N4BP2L1: variants seen among roughly 807,000 people sequenced by gnomAD.
N4BP2L1 encodes NEDD4-binding protein 2-like 1.
Under a neutral mutation model 21.2 loss-of-function variants are expected in N4BP2L1, and 12 were observed. The observed-to-expected ratio is 0.57, with a 90% CI of 0.36 to 0.92. N4BP2L1 has a LOEUF of 0.92. N4BP2L1 is among the 40% of genes least tolerant of loss of function. The probability of loss-of-function intolerance (pLI) is 0.01; values close to 1 mark genes in which losing one functional copy is unlikely to be tolerated. For missense variants in N4BP2L1, 259 were observed against 310.6 expected (o/e 0.83, Z 1.25); for synonymous variants, 104 against 112.8 (o/e 0.92, Z 0.49).
chr13:32,427,421 GCGCGCCAGCGGGGCCCGGCGGTTTTCT>G (rs1397408197), intron 1 of N4BP2L1, among the ~76,000 whole-genome samples: 2 of 152,268 alleles, frequency 1.3e-5, no homozygotes, highest in Admixed American at 1.3e-4. Flanking sequence ...GCGGCCGCCT[GCGCGCCAGCGGGGCCCGGCGGTTTTCT>G]CTGCAGTCGC....
intron 3 of N4BP2L1, among the ~76,000 whole-genome samples, chr13:32,405,969 C>T (rs892677623): frequency 2.2e-5 from 3 of 135,500 alleles, no homozygotes; most frequent in African/African-American, 8.2e-5. Context: ...GTGGCACGAT[C>T]TCAGCTCACT....
intron 1 of N4BP2L1, among the ~76,000 whole-genome samples, chr13:32,420,196 G>C (rs2074395716): frequency 1.3e-5 from 2 of 152,234 alleles, no homozygotes; most frequent in African/African-American, 4.8e-5. Context: ...GGCTCCCAGA[G>C]AGCCCTCATT....
chr13:32,413,225 C>A (rs150798908), intron 1 of N4BP2L1, among the ~76,000 whole-genome samples: 1 of 152,284 alleles, frequency 6.6e-6, no homozygotes, highest in African/African-American at 2.4e-5. Context: ...CTCTCCTGGC[C>A]TAATGTTAGG....
Position 32,401,823 on chromosome 13 carries a change from G to T in N4BP2L1, c.*1119C>A. 1 of 558,876 alleles carries T rather than the reference G, an allele frequency of 1.8e-6. No individual in the cohort carries two copies. The highest frequency in any genetic ancestry group is 2.3e-6 in the Non-Finnish European group (1 of 439,888). 34.6% of individuals were successfully genotyped at this position (558,876 alleles called of 1,614,324 possible). On this transcript the variant is annotated 3_prime_UTR_variant, in exon 5 of 5. Transcript: ENST00000380130. Reference sequence around the variant, plus strand: ...ATTTTTCACAGAACATTAGAAAGAAGCTGTTGGCCAACAAGAAATAGAGCA... The same window carrying T: ...ATTTTTCACAGAACATTAGAAAGAATCTGTTGGCCAACAAGAAATAGAGCA...
intron 4 of N4BP2L1, 86 bp downstream of exon 4, chr13:32,404,235 C>T: frequency 6.3e-7 from 1 of 1,588,024 alleles, no homozygotes; most frequent in Non-Finnish European, 8.6e-7. Context: ...ATGTCCATTT[C>T]CAGCCTGAAA....
At chr13:32,427,393 G>A (rs2074839472) in intron 1 of N4BP2L1, among the ~76,000 whole-genome samples, 1 of 152,258 alleles carries the variant, frequency 6.6e-6, no homozygotes, top group Non-Finnish European at 1.5e-5. Context: ...GGATTACAGC[G>A]CCTGTTGACG....
At chr13:32,414,951 A>T (rs1566319381) in intron 1 of N4BP2L1, among the ~76,000 whole-genome samples, 1 of 152,206 alleles carries the variant, frequency 6.6e-6, no homozygotes, top group Non-Finnish European at 1.5e-5. Context: ...AGAATTACTG[A>T]ACTACAATCT....
intron 1 of N4BP2L1, chr13:32,420,367 C>T (rs2074403327): frequency 6.6e-6 from 1 of 152,266 alleles, no homozygotes; most frequent in African/African-American, 2.4e-5. Context: ...TCAGGCACAC[C>T]TACCTCAGTA....
chr13:32,408,911 C>T (rs2073686937), intron 1 of N4BP2L1, among the ~76,000 whole-genome samples: 1 of 152,156 alleles, frequency 6.6e-6, no homozygotes, highest in South Asian at 2.1e-4. Context: ...TTCAGGTGCC[C>T]CCACAGGCTT....
intron 1 of N4BP2L1, among the ~76,000 whole-genome samples, chr13:32,417,609 A>T (rs1050082230): frequency 6.6e-6 from 1 of 152,214 alleles, no homozygotes; most frequent in African/African-American, 2.4e-5. Flanking sequence ...ACTGCTGTAA[A>T]GATACCCAAA....
At position 32,428,041 on chromosome 13, in the gene N4BP2L1, G is replaced by C. The variant is rs1214300632; in HGVS notation, c.42C>G (p.Leu14=). Reference sequence around the variant, plus strand: ...GCCGCTGCTGCTGCTGCTGGGGCTGGAGGCTCAGCCTCCCAAAAGATTGAA... The same window carrying C: ...GCCGCTGCTGCTGCTGCTGGGGCTGCAGGCTCAGCCTCCCAAAAGATTGAA... The part of the protein sequence containing the change: ...SFLQSFGRLS[L]QPQQQQQRQR... Residue 14 remains leucine, a synonymous_variant, in exon 1 of 5, where the codon CTC becomes CTG. Coordinates refer to ENST00000380130, the MANE Select transcript of N4BP2L1 (RefSeq NM_052818.3). 1.3e-6 allele frequency: 2 copies of C among 1,539,954 alleles called. No homozygotes were observed. The highest frequency in any genetic ancestry group is 1.4e-5 in the African/African-American group (1 of 70,088).
At chr13:32,408,169 C>T (rs769048350) in intron 1 of N4BP2L1, among the ~76,000 whole-genome samples, 2 of 152,200 alleles carry the variant, frequency 1.3e-5, no homozygotes, top group Admixed American at 6.5e-5. Context: ...AAGACCTGCC[C>T]ATGGGTGCCA....
At chr13:32,407,417 T>G (rs1364930314) in intron 2 of N4BP2L1, 79 bp from the exon 3 acceptor site, 2 of 1,609,012 alleles carry the variant, frequency 1.2e-6, no homozygotes, top group East Asian at 2.2e-5. Flanking sequence ...TTCGTCATTT[T>G]TATTACAGGA....
chr13:32,404,279 T>C (rs1309790802), intron 4 of N4BP2L1, 42 bp downstream of exon 4: 2 of 1,588,684 alleles, frequency 1.3e-6, no homozygotes, highest in African/African-American at 2.7e-5. Flanking sequence ...TACCTGAAAA[T>C]AGCAGGATAC....
chr13:32,410,606 C>G (rs1440662967), intron 1 of N4BP2L1, among the ~76,000 whole-genome samples: 1 of 152,132 alleles, frequency 6.6e-6, no homozygotes, highest in Non-Finnish European at 1.5e-5. Context: ...AAAGTCCAAA[C>G]CTTAACCTCT....
At position 32,404,343 on chromosome 13, in the gene N4BP2L1, AT is replaced by A; in HGVS notation, c.450del (p.Lys150AsnfsTer7). Reference protein sequence around the residue: ...VIFREPDTRWKFNVQELARRN... With the variant: ...VIFREPDTRWXFNVQELARRN... ...TACCTTGCTAACTCTTGAACGTTGA[AT>A]TTCCAGCGAGTGTCAGGTTCTCGGA... On this transcript the variant is annotated frameshift_variant, in exon 4 of 5. Transcript: ENST00000380130. LOFTEE classifies it high-confidence loss of function. 6.2e-7 allele frequency: 1 copy of A among 1,613,864 alleles called. No individual in the cohort carries two copies. Among genetic ancestry groups the A allele is most frequent in the Non-Finnish European group, 8.5e-7 (1 of 1,179,902 alleles).
In N4BP2L1 at chr13:32,401,315, A is replaced by G. The variant is rs1371089848; in HGVS notation, c.*1627T>C. Reference sequence around the variant, plus strand: ...GGAAAATGGGAGCATTATTAAGTAGATCATTAGGAGATTATTTTATGTTGT... The same window carrying G: ...GGAAAATGGGAGCATTATTAAGTAGGTCATTAGGAGATTATTTTATGTTGT... On this transcript the variant is annotated 3_prime_UTR_variant, in exon 5 of 5. Coordinates refer to ENST00000380130, the MANE Select transcript of N4BP2L1 (RefSeq NM_052818.3). 3 of 152,178 alleles carry G rather than the reference A, an allele frequency of 2.0e-5. No individual in the cohort carries two copies. Among genetic ancestry groups the G allele is most frequent in the African/African-American group, 4.8e-5 (2 of 41,430 alleles). The allele number at this position is 152,178 out of a possible 1,614,324, so 9.4% of individuals were successfully genotyped here.
chr13:32,427,622 C>T (rs981754044), intron 1 of N4BP2L1, among the ~76,000 whole-genome samples: 2 of 152,138 alleles, frequency 1.3e-5, no homozygotes, highest in African/African-American at 4.8e-5. Flanking sequence ...TCCGTCCCCC[C>T]CGGGACAGCG....
chr13:32,411,794 A>T (rs1305038342), intron 1 of N4BP2L1: 16 of 973,388 alleles, frequency 1.6e-5, no homozygotes, highest in Admixed American at 6.2e-5. Flanking sequence ...AACCATAGAG[A>T]TATATTTAGA....
Sources: allele counts gnomAD v4.1 joint callset (sites outside exome capture counted in the v4.1 genomes callset), GRCh38; gene constraint gnomAD v4.1.1; transcripts MANE v1.5; gene names NCBI Gene and HGNC (gene_info 2026-07-23, HGNC 2026-07-21).